TRPM1: variants seen among roughly 807,000 people sequenced by gnomAD.
The protein encoded by TRPM1 is TRPM1-203 APA Isoform, Intron 10.
TRPM1 carries 113 observed loss-of-function variants against 149.4 expected under a neutral mutation model. The observed-to-expected ratio is 0.76, with a 90% CI of 0.65 to 0.88. TRPM1 has a LOEUF of 0.88. Among genes scored for constraint, TRPM1 ranks in the 40% least tolerant of loss-of-function variants. The pLI is 0.00. For missense variants in TRPM1, 1,976 were observed against 2,038.7 expected, an observed-to-expected ratio of 0.97 and a Z score of 0.59; for synonymous variants, 741 against 759.5, an observed-to-expected ratio of 0.98 and a Z score of 0.40.
chr15:31,069,163 G>A (rs2034461487), intron 4 of TRPM1, among the ~76,000 whole-genome samples: 3 of 152,196 alleles, frequency 2.0e-5, no homozygotes, highest in Admixed American at 2.0e-4. Context: ...TCCTAATGTT[G>A]GAGGAATAGG....
At chr15:31,082,328 C>T (rs964076256) in intron 1 of TRPM1, among the ~76,000 whole-genome samples, 2 of 152,148 alleles carry the variant, frequency 1.3e-5, no homozygotes, top group Non-Finnish European at 2.9e-5. Flanking sequence ...GTGCTTGTCC[C>T]AGCTGGGAAG....
chr15:31,047,023 C>T (rs1333171870), intron 15 of TRPM1, 88 bp downstream of exon 15: 26 of 1,581,338 alleles, frequency 1.6e-5, no homozygotes, highest in Non-Finnish European at 2.1e-5. Flanking sequence ...AAGGGCTTGG[C>T]TCTGAACCGG....
At chr15:31,078,799 G>A (rs1312305467) in intron 2 of TRPM1, among the ~76,000 whole-genome samples, 3 of 152,152 alleles carry the variant, frequency 2.0e-5, no homozygotes, top group African/African-American at 4.8e-5. Context: ...AGAGAAGCTG[G>A]GAAGCCCTTG....
chr15:31,076,831 C>T, intron 3 of TRPM1, 74 bp downstream of exon 3: 2 of 1,215,604 alleles, frequency 1.6e-6, no homozygotes, highest in Non-Finnish European at 2.4e-6. Flanking sequence ...CCTCTTTCTG[C>T]CTCTTACAAA....
Position 31,026,124 on chromosome 15 carries a change from G to C in TRPM1, c.3629+15C>G, listed in dbSNP as rs372964231. On this transcript the variant is annotated intron_variant, in intron 27 of 27. Coordinates refer to ENST00000256552, the MANE Select transcript of TRPM1 (RefSeq NM_001252024.2). ...CCCTTGGCTCACGGGCCCGCGGTGG[G>C]GACGCTACACGTACCTTTCAGAAGT... 20 of 1,609,860 alleles carry C rather than the reference G, an allele frequency of 1.2e-5. No homozygotes were observed. In the African/African-American group the frequency reaches 2.7e-4, roughly 21 times the overall value.
intron 1 of TRPM1, among the ~76,000 whole-genome samples, chr15:31,123,496 C>T (rs909468331): frequency 3.9e-5 from 6 of 151,986 alleles, no homozygotes; most frequent in African/African-American, 1.5e-4. Flanking sequence ...AAACAAATAG[C>T]CCAATTAAAA....
chr15:31,059,055 C>G (rs948568796), intron 11 of TRPM1, among the ~76,000 whole-genome samples: 1 of 152,074 alleles, frequency 6.6e-6, no homozygotes, highest in African/African-American at 2.4e-5. Flanking sequence ...TGCACTCTAG[C>G]CTGGGCAACA....
In TRPM1 at chr15:31,001,850, T is replaced by G. The variant is rs767869770; in HGVS notation, c.4850A>C (p.Glu1617Ala). The G allele has an allele frequency of 1.9e-6, 3 of 1,612,994 alleles. No individual in the cohort carries two copies. The highest frequency in any genetic ancestry group is 2.5e-6 in the Non-Finnish European group (3 of 1,180,004). ...MTAEEKKVKK[E>A]KASTETEC ...GCATTCAGTTTCTGTGGAAGCTTTC[T>G]CTTTCTTAACCTTTTTTTCTTCTGC... Residue 1617 changes from glutamate to alanine, a missense_variant, in exon 28 of 28, where the codon GAG becomes GCG. Around this residue, in one of 3 missense-constraint regions of TRPM1, gnomAD observed 572 missense variants for 578.9 expected, o/e 0.99. Transcript: ENST00000256552.
At chr15:31,057,140 G>T (rs890160167) in intron 11 of TRPM1, among the ~76,000 whole-genome samples, 2 of 152,156 alleles carry the variant, frequency 1.3e-5, no homozygotes, top group African/African-American at 4.8e-5. Flanking sequence ...AGGAACTCAT[G>T]GGGCTTTGAA....
chr15:31,082,921 GT>G (rs1420032667), intron 1 of TRPM1, among the ~76,000 whole-genome samples: 2 of 152,112 alleles, frequency 1.3e-5, no homozygotes, highest in African/African-American at 4.8e-5. Flanking sequence ...GGAATGAAGG[GT>G]CATGGGGGGC....
chr15:31,041,838 G>A, intron 17 of TRPM1, 113 bp downstream of exon 17: 1 of 1,194,942 alleles, frequency 8.4e-7, no homozygotes, highest in Non-Finnish European at 1.2e-6. Context: ...TTGTGAACAA[G>A]CTTTAACCAC....
intron 1 of TRPM1, among the ~76,000 whole-genome samples, chr15:31,099,788 T>C (rs906885444): frequency 6.6e-6 from 1 of 152,190 alleles, no homozygotes; most frequent in Non-Finnish European, 1.5e-5. Context: ...GAATAGACAA[T>C]TTATGCTATA....
chr15:31,101,568 C>T (rs2035517403), intron 1 of TRPM1, 89 bp downstream of exon 1: 1 of 809,430 alleles, frequency 1.2e-6, no homozygotes, highest in Non-Finnish European at 1.5e-6. Context: ...TTATCTGCAC[C>T]TGAGTTTGTC....
In TRPM1 at chr15:31,002,107, G is replaced by T; in HGVS notation, c.4593C>A (p.His1531Gln). 6.2e-7 allele frequency: 1 copy of T among 1,614,228 alleles called. No homozygotes were observed. The change falls in exon 28 of 28, where the codon CAC becomes CAA. Residue 1531 changes from histidine (H) to glutamine (Q), a missense_variant. By Grantham distance (24) the His-to-Gln change is conservative. This residue lies in a region of TRPM1 where 572 missense variants were observed against 578.9 expected (regional missense o/e 0.99). Coordinates refer to ENST00000256552, the MANE Select transcript of TRPM1 (RefSeq NM_001252024.2). ...TTCGAGGAATTGCTTCAGCGACATG[G>T]TGTTCATCTTGCATATCTGCAAACT... ...KEQFADMQDE[H>Q]HVAEAIPRIP...
chr15:31,114,375 T>A (rs1011224746), intron 1 of TRPM1, among the ~76,000 whole-genome samples: 1 of 152,212 alleles, frequency 6.6e-6, no homozygotes, highest in Non-Finnish European at 1.5e-5. Context: ...CTGCCTAGTA[T>A]TCCATGGTGT....
intron 7 of TRPM1, among the ~76,000 whole-genome samples, chr15:31,065,730 A>G (rs368529122): frequency 1.3e-5 from 2 of 152,232 alleles, no homozygotes; most frequent in East Asian, 3.8e-4. Context: ...GAATCCTACT[A>G]AATCTTTGAG....
At chr15:31,070,492 T>G in intron 3 of TRPM1, 1 of 683,356 alleles carries the variant, frequency 1.5e-6, no homozygotes. Context: ...GATGTCTTGA[T>G]AACATCAGTA....
At chr15:31,057,826 C>T (rs1182538087) in intron 11 of TRPM1, among the ~76,000 whole-genome samples, 3 of 152,168 alleles carry the variant, frequency 2.0e-5, no homozygotes, top group African/African-American at 4.8e-5. Flanking sequence ...GCAGTTTCCC[C>T]CACGCTGTTC....
At chr15:31,119,108 G>A (rs1055632745) in intron 1 of TRPM1, among the ~76,000 whole-genome samples, 3 of 152,082 alleles carry the variant, frequency 2.0e-5, no homozygotes, top group South Asian at 4.1e-4. Context: ...GGGCATGGTG[G>A]TGCATGCCTG....
Sources: gnomAD v4.1 joint callset for allele counts (sites outside exome capture counted in the v4.1 genomes callset) on GRCh38, gnomAD v4.1.1 for gene constraint, gnomAD v4.1.1 regional missense constraint, MANE v1.5 for transcripts, NCBI Gene and HGNC (gene_info 2026-07-23, HGNC 2026-07-21) for gene names.